Variants in DAB1 observed in about 807,000 individuals in gnomAD.
The protein encoded by DAB1 is disabled homolog 1.
DAB1 carries 15 observed loss-of-function variants against 64.6 expected under a neutral mutation model. That is an observed-to-expected ratio of 0.23 (90% CI 0.16 to 0.36). The LOEUF (loss-of-function observed/expected upper bound fraction) is 0.36. Ranked by LOEUF, DAB1 falls within the 10% of genes least tolerant of loss-of-function variation. DAB1 has a pLI of 1.00. For synonymous variants in DAB1, 235 were observed against 251.9 expected, an observed-to-expected ratio of 0.93 and a Z score of 0.64; for missense variants, 596 against 706.7, an observed-to-expected ratio of 0.84 and a Z score of 1.78.
intron 3 of DAB1, among the ~76,000 whole-genome samples, chr1:58,348,860 T>C (rs1644025258): frequency 6.6e-6 from 1 of 152,206 alleles, no homozygotes; most frequent in Non-Finnish European, 1.5e-5. Context: ...AAAGGAAGAC[T>C]TGGCAGGATA....
intron 1 of DAB1, among the ~76,000 whole-genome samples, chr1:57,831,721 T>C (rs1365213608): frequency 5.3e-5 from 8 of 151,928 alleles, no homozygotes; most frequent in Non-Finnish European, 8.8e-5. Flanking sequence ...TTTTTGTATC[T>C]TTTGTAGAGA....
chr1:57,231,436 T>C (rs1282757918), intron 2 of DAB1, among the ~76,000 whole-genome samples: 1 of 152,226 alleles, frequency 6.6e-6, no homozygotes. Flanking sequence ...GTCTCTTTCA[T>C]GTCTGTACAC....
At chr1:58,057,210 T>A (rs1247821038) in intron 5 of DAB1, among the ~76,000 whole-genome samples, 2 of 152,154 alleles carry the variant, frequency 1.3e-5, no homozygotes, top group Non-Finnish European at 2.9e-5. Flanking sequence ...TTTATTTTTT[T>A]TAATTATGAA....
intron 3 of DAB1, among the ~76,000 whole-genome samples, chr1:58,494,560 A>G (rs1390393129): frequency 6.6e-6 from 1 of 152,194 alleles, no homozygotes; most frequent in African/African-American, 2.4e-5. Context: ...ATGAACTCAA[A>G]CAAATTTACA....
intron 9 of DAB1, among the ~76,000 whole-genome samples, chr1:57,055,832 G>A (rs1570605573): frequency 6.6e-6 from 1 of 152,136 alleles, no homozygotes; most frequent in East Asian, 1.9e-4. Context: ...AAAGAGACTG[G>A]AAATCTCAAG....
chr1:58,081,039 CCTT>C (rs1200998069), intron 5 of DAB1, among the ~76,000 whole-genome samples: 5 of 152,176 alleles, frequency 3.3e-5, no homozygotes, highest in African/African-American at 1.2e-4. Flanking sequence ...TATCACTATC[CCTT>C]CTTATCTTCC....
intron 7 of DAB1, among the ~76,000 whole-genome samples, chr1:57,639,284 T>C (rs1033427550): frequency 1.3e-5 from 2 of 150,570 alleles, no homozygotes; most frequent in African/African-American, 2.5e-5. Flanking sequence ...TAAAGTTCTT[T>C]ATAAAGAACT....
intron 4 of DAB1, among the ~76,000 whole-genome samples, chr1:58,176,979 TAAAA>T (rs772711760): frequency 9.4e-6 from 1 of 106,510 alleles, no homozygotes; most frequent in Non-Finnish European, 2.0e-5. Context: ...ACTGTCTCAA[TAAAA>T]AAAAAAAAAA....
chr1:57,652,698 T>C (rs1646270966), intron 6 of DAB1, among the ~76,000 whole-genome samples: 2 of 152,254 alleles, frequency 1.3e-5, no homozygotes, highest in Non-Finnish European at 2.9e-5. Context: ...TAAAGATTTG[T>C]AAATTTTGAT....
intron 5 of DAB1, among the ~76,000 whole-genome samples, chr1:58,000,757 G>A (rs1052923487): frequency 6.6e-6 from 1 of 151,674 alleles, no homozygotes; most frequent in Admixed American, 6.6e-5. Context: ...TTTTAGTAGG[G>A]TCGGGGTTTC....
chr1:57,278,946 T>C (rs1285198032), intron 2 of DAB1, among the ~76,000 whole-genome samples: 1 of 152,220 alleles, frequency 6.6e-6, no homozygotes, highest in Non-Finnish European at 1.5e-5. Context: ...AAGGTTTGAA[T>C]ACATTGCCTG....
chr1:57,041,264 T>A (rs558664780), intron 9 of DAB1, among the ~76,000 whole-genome samples: 2 of 152,322 alleles, frequency 1.3e-5, no homozygotes, highest in East Asian at 3.9e-4. Context: ...ATCAAGGCAT[T>A]AATTTAAATA....
intron 3 of DAB1, among the ~76,000 whole-genome samples, chr1:58,361,564 T>C (rs1644167514): frequency 6.6e-6 from 1 of 152,158 alleles, no homozygotes; most frequent in African/African-American, 2.4e-5. Context: ...ACAGTTTTGT[T>C]AGGGGGAAGT....
At chr1:57,917,072 T>C (rs1463564110) in intron 5 of DAB1, among the ~76,000 whole-genome samples, 1 of 152,226 alleles carries the variant, frequency 6.6e-6, no homozygotes, top group Non-Finnish European at 1.5e-5. Flanking sequence ...TATGTTCTCC[T>C]GCCTCCTAGT....
At chr1:58,203,541 A>G (rs1282229382) in intron 4 of DAB1, among the ~76,000 whole-genome samples, 2 of 152,160 alleles carry the variant, frequency 1.3e-5, no homozygotes, top group African/African-American at 4.8e-5. Context: ...TTTCTGTCAT[A>G]GTGGTTCTCA....
intron 1 of DAB1, among the ~76,000 whole-genome samples, chr1:57,387,665 T>C (rs1229578045): frequency 1.3e-5 from 2 of 151,758 alleles, no homozygotes; most frequent in Admixed American, 1.3e-4. Flanking sequence ...CTACTAAAAA[T>C]ACAAAGATTA....
At chr1:57,049,450 C>CAAAAAAAAAAAAAAAAAAAAAAAA (rs574438911) in intron 9 of DAB1, among the ~76,000 whole-genome samples, 1 of 24,584 alleles carries the variant, frequency 4.1e-5, no homozygotes, top group Non-Finnish European at 7.2e-5. Flanking sequence ...GACTCCGTCT[C>CAAAAAAAAAAAAAAAAAAAAAAAA]AAAAAAAAAA....
intron 4 of DAB1, among the ~76,000 whole-genome samples, chr1:58,332,738 T>TG (rs1431482567): frequency 6.6e-6 from 1 of 152,088 alleles, no homozygotes; most frequent in Non-Finnish European, 1.5e-5. Context: ...TGGCTGGACA[T>TG]GAAGAAAAAC....
intron 7 of DAB1, among the ~76,000 whole-genome samples, chr1:57,606,823 C>T (rs1162326143): frequency 1.4e-5 from 2 of 145,574 alleles, no homozygotes; most frequent in Non-Finnish European, 3.0e-5. Context: ...GATTTTCACC[C>T]TTGTTGCCCA....
Sources: gnomAD v4.1 joint callset for allele counts (sites outside exome capture counted in the v4.1 genomes callset) on GRCh38, gnomAD v4.1.1 for gene constraint, MANE v1.5 for transcripts, NCBI Gene and HGNC (gene_info 2026-07-23, HGNC 2026-07-21) for gene names.